The following NCKAP1 variants were observed in gnomAD, a reference collection of about 807,000 sequenced individuals.
The protein encoded by NCKAP1 is nck-associated protein 1.
Under a neutral mutation model 151.2 loss-of-function variants are expected in NCKAP1, and 21 were observed. That is an observed-to-expected ratio of 0.14 (90% CI 0.10 to 0.20). The LOEUF is 0.20. Ranked by LOEUF, NCKAP1 falls within the 10% of genes least tolerant of loss-of-function variation. The pLI, the probability that NCKAP1 is intolerant of heterozygous loss-of-function variation, is 1.00. For missense variants in NCKAP1, 933 were observed against 1,352.1 expected, an observed-to-expected ratio of 0.69 and a Z score of 4.86; for synonymous variants, 484 against 451.8, an observed-to-expected ratio of 1.07 and a Z score of -0.90.
chr2:182,963,218 A>G (rs1021952202), intron 17 of NCKAP1, among the ~76,000 whole-genome samples: 3 of 152,118 alleles, frequency 2.0e-5, no homozygotes, highest in African/African-American at 7.2e-5. Flanking sequence ...AACCTGATAT[A>G]ATTAAATATT....
intron 1 of NCKAP1, among the ~76,000 whole-genome samples, chr2:183,026,102 T>C (rs1451021282): frequency 6.6e-6 from 1 of 152,152 alleles, no homozygotes; most frequent in Non-Finnish European, 1.5e-5. Flanking sequence ...CATACACATA[T>C]ATAAATGAGC....
At chr2:182,992,878 G>C (rs1055493512) in intron 8 of NCKAP1, among the ~76,000 whole-genome samples, 3 of 152,000 alleles carry the variant, frequency 2.0e-5, no homozygotes, top group African/African-American at 7.3e-5. Flanking sequence ...ACTGAATCTA[G>C]TAATAAAAAC....
chr2:183,030,462 G>C (rs567916798), intron 1 of NCKAP1, among the ~76,000 whole-genome samples: 1 of 152,152 alleles, frequency 6.6e-6, no homozygotes, highest in Non-Finnish European at 1.5e-5. Flanking sequence ...TGATTTTCTA[G>C]TACAATGAAT....
chr2:182,989,766 C>A (rs2105862587), intron 8 of NCKAP1, among the ~76,000 whole-genome samples: 1 of 151,484 alleles, frequency 6.6e-6, no homozygotes, highest in African/African-American at 2.4e-5. Flanking sequence ...TTTTGGGAGG[C>A]CAAGGCAGGC....
intron 1 of NCKAP1, among the ~76,000 whole-genome samples, chr2:183,024,737 T>C (rs116053896): frequency 0.016 from 2,434 of 152,328 alleles, 68 homozygotes; most frequent in African/African-American, 0.056. Flanking sequence ...TGTTATTCCT[T>C]AGGGAATTAC....
intron 26 of NCKAP1, 72 bp downstream of exon 26, chr2:182,934,680 A>G: frequency 1.3e-6 from 1 of 782,944 alleles, no homozygotes; most frequent in Non-Finnish European, 2.1e-6. Flanking sequence ...GATTTATTAC[A>G]TTTTCTTGCA....
At chr2:182,970,991 C>T (rs1407123048) in intron 15 of NCKAP1, among the ~76,000 whole-genome samples, 1 of 151,444 alleles carries the variant, frequency 6.6e-6, no homozygotes, top group Non-Finnish European at 1.5e-5. Context: ...ATCTCATTTA[C>T]AATAACTACC....
At chr2:182,965,523 A>G (rs1697552309) in intron 16 of NCKAP1, among the ~76,000 whole-genome samples, 1 of 152,114 alleles carries the variant, frequency 6.6e-6, no homozygotes, top group Non-Finnish European at 1.5e-5. Context: ...ACATTTAAAG[A>G]TGTTAAATCT....
chr2:182,960,835 T>C (rs1444678050), intron 18 of NCKAP1, among the ~76,000 whole-genome samples: 2 of 152,210 alleles, frequency 1.3e-5, no homozygotes, highest in African/African-American at 4.8e-5. Context: ...TCTACTCATC[T>C]GACAAAGGGC....
intron 2 of NCKAP1, among the ~76,000 whole-genome samples, chr2:183,003,970 A>G (rs1209231396): frequency 2.0e-5 from 3 of 152,230 alleles, no homozygotes; most frequent in East Asian, 1.9e-4. Flanking sequence ...TAAATTTACA[A>G]AAGTCCCAAT....
intron 22 of NCKAP1, 74 bp downstream of exon 22, chr2:182,952,719 G>T: frequency 7.1e-7 from 1 of 1,417,596 alleles, no homozygotes; most frequent in Non-Finnish European, 9.5e-7. Context: ...AGAATCAAAA[G>T]TCTAAAGAAT....
intron 9 of NCKAP1, among the ~76,000 whole-genome samples, chr2:182,987,167 G>A (rs1313443079): frequency 1.3e-5 from 2 of 152,078 alleles, no homozygotes; most frequent in South Asian, 2.1e-4. Flanking sequence ...ACTTGATGCC[G>A]TGAGGCAGAG....
At position 182,961,282 on chromosome 2, in the gene NCKAP1, C is replaced by T. The variant is rs187263266; in HGVS notation, c.1881+877G>A. 7.6e-3 allele frequency among the ~76,000 whole-genome samples: 1,156 copies of T among 152,262 alleles called. 46 individuals carry two copies. The highest frequency in any genetic ancestry group is 0.065 in the Admixed American group (992 of 15,296). On this transcript the variant is annotated intron_variant, in intron 18 of 30. Coordinates refer to ENST00000361354, the MANE Select transcript of NCKAP1 (RefSeq NM_013436.5). ...ATGCTGCTATAAAGACACATGCACA[C>T]GTATGTCTATTGCAGCACTATTCAC...
chr2:182,956,312 T>C lies in NCKAP1; in HGVS notation c.2153+150A>G, dbSNP rs1160096054. 3.2e-6 allele frequency: 3 copies of C among 924,654 alleles called. No individual in the cohort carries two copies. In the Admixed American group the frequency reaches 9.2e-5, roughly 28 times the overall value. The allele number at this position is 924,654 out of a possible 1,614,324, so 57.3% of individuals were successfully genotyped here. On this transcript the variant is annotated intron_variant, in intron 20 of 30. Coordinates refer to ENST00000361354, the MANE Select transcript of NCKAP1 (RefSeq NM_013436.5). Reference sequence around the variant, plus strand: ...ACCTCGGCCTCCCAAAGTGCTGGGATTATAGGCGTGAGCCACCACGCCCGG... The same window carrying C: ...ACCTCGGCCTCCCAAAGTGCTGGGACTATAGGCGTGAGCCACCACGCCCGG...
chr2:182,973,646 A>G (rs949445383), intron 15 of NCKAP1, among the ~76,000 whole-genome samples: 3 of 152,146 alleles, frequency 2.0e-5, no homozygotes, highest in Non-Finnish European at 4.4e-5. Flanking sequence ...ACTACTGGCT[A>G]TCTATAGAAC....
intron 1 of NCKAP1, among the ~76,000 whole-genome samples, chr2:183,030,033 G>A (rs1698976525): frequency 6.6e-6 from 1 of 152,018 alleles, no homozygotes. Flanking sequence ...CTACTGACAG[G>A]ACCTACAGAG....
rs760220693 is a variant in NCKAP1 at position 182,953,200 on chromosome 2, G to A, written c.2285C>T (p.Thr762Ile). Residue 762 changes from threonine to isoleucine, a missense_variant, in exon 21 of 31, where the codon ACA (threonine) becomes ATA (isoleucine). This residue lies in a region of NCKAP1 where 326 missense variants were observed against 557.1 expected (regional missense o/e 0.59). Transcript: ENST00000361354. The part of the protein sequence containing the change: ...SIENYVQIDI[T>I]RVFNNVLLQQ... ...AAGAAGCACATTATTAAATACTCTT[G>A]TAATATCAATCTGCACATAGTTTTC... 6.2e-7 allele frequency: 1 copy of A among 1,612,790 alleles called. No individual in the cohort carries two copies. Among genetic ancestry groups the A allele is most frequent in the Non-Finnish European group, 8.5e-7 (1 of 1,178,962 alleles).
At position 182,913,262 on chromosome 2, in the gene NCKAP1, G is replaced by A. The variant is rs1444304962; in HGVS notation, c.*12440C>T. ...ACAAATATTTATTGAGGACTGTTGTGGCTTGAATGTGTCCCCGAAAAGTTC... is the reference window on the plus strand; with the variant it reads ...ACAAATATTTATTGAGGACTGTTGTAGCTTGAATGTGTCCCCGAAAAGTTC... On this transcript the variant is annotated 3_prime_UTR_variant, in exon 31 of 31. Transcript: ENST00000361354. The A allele has an allele frequency of 2.6e-5, 4 of 152,172 alleles. No individual in the cohort carries two copies. Among genetic ancestry groups the A allele is most frequent in the Admixed American group, 6.5e-5 (1 of 15,278 alleles). 9.4% of individuals were successfully genotyped at this position (152,172 alleles called of 1,614,324 possible).
chr2:183,013,885 A>C (rs545378307), intron 2 of NCKAP1, among the ~76,000 whole-genome samples: 82 of 152,178 alleles, frequency 5.4e-4, no homozygotes, highest in Admixed American at 5.4e-3. Flanking sequence ...GAGCCTTTGG[A>C]GCTGCGGTTC....
Sources: allele counts gnomAD v4.1 joint callset (sites outside exome capture counted in the v4.1 genomes callset), GRCh38; gene constraint gnomAD v4.1.1; regional missense constraint gnomAD v4.1.1; transcripts MANE v1.5; gene names NCBI Gene and HGNC (gene_info 2026-07-23, HGNC 2026-07-21).